TSC22D1: variants seen among roughly 807,000 people sequenced by gnomAD.
TSC22D1 encodes TSC22 domain family member 1.
Under a neutral mutation model 74.2 loss-of-function variants are expected in TSC22D1, and 9 were observed. The observed-to-expected ratio is 0.12, with a 90% confidence interval of 0.07 to 0.21. The LOEUF is 0.21. TSC22D1 is among the 10% of genes least tolerant of loss of function. The pLI, the probability that TSC22D1 is intolerant of heterozygous loss-of-function variation, is 1.00. For missense variants in TSC22D1, 1,427 were observed against 1,304.7 expected (o/e 1.09, Z -1.44); for synonymous variants, 586 against 492.5 (o/e 1.19, Z -2.51).
rs1884197371 is a variant in TSC22D1 at position 44,575,894 on chromosome 13, G to C, written c.181C>G (p.Pro61Ala). 2 of 1,614,030 alleles carry C rather than the reference G, an allele frequency of 1.2e-6. No homozygotes were observed. The highest frequency in any genetic ancestry group is 2.7e-5 in the African/African-American group (2 of 75,044). Residue 61 changes from proline (P) to alanine (A), a missense_variant, in exon 1 of 3, where the codon CCG becomes GCG. Coordinates refer to ENST00000458659, the MANE Select transcript of TSC22D1 (RefSeq NM_183422.4). ...GGGGGCGGCGGCTGAAGCAGCGACG[G>C]AGGCGGAAAATCCTCGGAAGATGTG... ...NATSSEDFPP[P>A]SLLQPPPPAA...
At chr13:44,455,316 C>A (rs929056676) in intron 1 of TSC22D1, among the ~76,000 whole-genome samples, 6 of 152,196 alleles carry the variant, frequency 3.9e-5, no homozygotes, top group Admixed American at 1.3e-4. Context: ...AGAGACCCAA[C>A]AAAGTCAAGA....
intron 1 of TSC22D1, among the ~76,000 whole-genome samples, chr13:44,571,286 T>C (rs1035560542): frequency 6.6e-6 from 1 of 152,246 alleles, no homozygotes; most frequent in African/African-American, 2.4e-5. Flanking sequence ...TCCACCTTAT[T>C]ATTCCTTTTC....
intron 1 of TSC22D1, among the ~76,000 whole-genome samples, chr13:44,463,002 A>T (rs1356571783): frequency 2.0e-5 from 3 of 152,190 alleles, no homozygotes; most frequent in Non-Finnish European, 4.4e-5. Flanking sequence ...TGAGGAACTT[A>T]AACAGTTTAA....
chr13:44,446,862 G>C (rs1021238526), intron 1 of TSC22D1, among the ~76,000 whole-genome samples: 1 of 19,412 alleles, frequency 5.2e-5, no homozygotes, highest in African/African-American at 1.1e-4. Context: ...AGGAAAAGAA[G>C]AAGAAAAAGA....
At chr13:44,492,435 T>C (rs1052268509) in intron 1 of TSC22D1, among the ~76,000 whole-genome samples, 1 of 152,180 alleles carries the variant, frequency 6.6e-6, no homozygotes, top group African/African-American at 2.4e-5. Context: ...TGAACCATAG[T>C]AAGTTAGAGA....
intron 1 of TSC22D1, among the ~76,000 whole-genome samples, chr13:44,469,299 T>A (rs373980994): frequency 2.2e-4 from 33 of 152,190 alleles, no homozygotes; most frequent in Admixed American, 8.5e-4. Context: ...AATTCCTTCA[T>A]AAAGACAAAT....
chr13:44,464,171 T>C (rs976991727), intron 1 of TSC22D1, among the ~76,000 whole-genome samples: 1 of 152,208 alleles, frequency 6.6e-6, no homozygotes, highest in African/African-American at 2.4e-5. Context: ...ACTTGTAATG[T>C]AGCAATAGAG....
intron 1 of TSC22D1, among the ~76,000 whole-genome samples, chr13:44,459,119 T>C (rs1876849404): frequency 1.3e-5 from 2 of 152,042 alleles, no homozygotes; most frequent in Admixed American, 1.3e-4. Context: ...CTCATGGCCG[T>C]CCATGGACCA....
chr13:44,469,214 T>C (rs1363274442), intron 1 of TSC22D1, among the ~76,000 whole-genome samples: 1 of 152,174 alleles, frequency 6.6e-6, no homozygotes, highest in African/African-American at 2.4e-5. Flanking sequence ...GCATTCAAGA[T>C]CTATAAGTAC....
chr13:44,481,290 G>A (rs1277811543), intron 1 of TSC22D1, among the ~76,000 whole-genome samples: 3 of 152,152 alleles, frequency 2.0e-5, no homozygotes, highest in Non-Finnish European at 4.4e-5. Context: ...GGGGTGGGAG[G>A]TGGTAAGGAA....
intron 1 of TSC22D1, among the ~76,000 whole-genome samples, chr13:44,549,633 C>A (rs565508083): frequency 2.3e-4 from 35 of 151,872 alleles, no homozygotes; most frequent in Non-Finnish European, 3.1e-4. Flanking sequence ...GGCATGGTTG[C>A]GCACACCTGT....
chr13:44,553,516 G>A (rs143361285), intron 1 of TSC22D1, among the ~76,000 whole-genome samples: 3 of 152,062 alleles, frequency 2.0e-5, no homozygotes, highest in South Asian at 2.1e-4. Flanking sequence ...GATAGTTTTC[G>A]GGCCCATATG....
intron 1 of TSC22D1, among the ~76,000 whole-genome samples, chr13:44,566,609 T>C (rs77505009): frequency 6.6e-5 from 10 of 152,188 alleles, no homozygotes; most frequent in East Asian, 1.9e-4. Context: ...TATTCTACCA[T>C]TGAAATAGAT....
rs1453838544 is a variant in TSC22D1, at chr13:44,574,081, G to C, written c.1994C>G (p.Thr665Arg). 2 of 1,614,134 alleles carry C rather than the reference G, an allele frequency of 1.2e-6. No homozygotes were observed. The highest frequency in any genetic ancestry group is 1.7e-6 in the Non-Finnish European group (2 of 1,180,060). Residue 665 changes from threonine to arginine, a missense_variant, in exon 1 of 3, where the codon ACA (threonine) becomes AGA (arginine). This residue lies in a region of TSC22D1 where 1,343 missense variants were observed against 1,191.5 expected (regional missense o/e 1.13). Transcript: ENST00000458659. ...ACTGGGCTGTCCGGAGGACATTGCT[G>C]TTTGAAGAATTGGCTGCTGTTGTAC... is the stretch of plus-strand genomic sequence containing the variant. ...EYVQQQPILQ[T>R]AMSSGQPSSA...
chr13:44,513,239 G>A (rs1879822909), intron 1 of TSC22D1, among the ~76,000 whole-genome samples: 1 of 152,114 alleles, frequency 6.6e-6, no homozygotes, highest in South Asian at 2.1e-4. Context: ...CATGAGAGAA[G>A]GGATTGTCTC....
At chr13:44,495,295 GAAAA>G (rs34584059) in intron 1 of TSC22D1, among the ~76,000 whole-genome samples, 248 of 90,504 alleles carry the variant, frequency 2.7e-3, no homozygotes, top group African/African-American at 0.01. Flanking sequence ...AAATGCTAAG[GAAAA>G]AAAAAAAAAA....
chr13:44,505,311 T>TG (rs1879397723), intron 1 of TSC22D1, among the ~76,000 whole-genome samples: 1 of 152,216 alleles, frequency 6.6e-6, no homozygotes, highest in African/African-American at 2.4e-5. Flanking sequence ...CCTGTAACCT[T>TG]GGGAGGCTGA....
At chr13:44,455,321 T>A (rs1876492557) in intron 1 of TSC22D1, among the ~76,000 whole-genome samples, 1 of 152,152 alleles carries the variant, frequency 6.6e-6, no homozygotes, top group Admixed American at 6.5e-5. Flanking sequence ...CCCAACAAAG[T>A]CAAGACAGCA....
At chr13:44,462,331 G>T (rs1215673344) in intron 1 of TSC22D1, among the ~76,000 whole-genome samples, 1 of 152,128 alleles carries the variant, frequency 6.6e-6, no homozygotes, top group Non-Finnish European at 1.5e-5. Context: ...GAAAGGTGCT[G>T]GACCATAGAA....
Sources: gnomAD v4.1 joint callset for allele counts (sites outside exome capture counted in the v4.1 genomes callset) on GRCh38, gnomAD v4.1.1 for gene constraint, gnomAD v4.1.1 regional missense constraint, MANE v1.5 for transcripts, NCBI Gene and HGNC (gene_info 2026-07-23, HGNC 2026-07-21) for gene names.